Variants in VPS13B observed in about 807,000 individuals in gnomAD.
VPS13B encodes vacuolar protein sorting 13 homolog B.
In VPS13B, 285 loss-of-function variants were observed where a neutral mutation model predicts 426.4. The observed-to-expected ratio is 0.67, with a 90% CI of 0.61 to 0.74. The LOEUF (loss-of-function observed/expected upper bound fraction) is 0.74. Among genes scored for constraint, VPS13B ranks in the 30% least tolerant of loss-of-function variants. VPS13B has a pLI of 0.00. For missense variants in VPS13B, 4,537 were observed against 4,782.6 expected, an observed-to-expected ratio of 0.95 and a Z score of 1.51; for synonymous variants, 1,676 against 1,676.4, an observed-to-expected ratio of 1.00 and a Z score of 0.01.
chr8:99,722,786 C>T (rs1039853839), intron 39 of VPS13B, among the ~76,000 whole-genome samples: 6 of 152,110 alleles, frequency 3.9e-5, no homozygotes, highest in African/African-American at 1.2e-4. Context: ...GGATTACAGG[C>T]GTGAGCCACC....
chr8:99,280,091 G>A (rs1013866896), intron 19 of VPS13B, among the ~76,000 whole-genome samples: 1 of 152,080 alleles, frequency 6.6e-6, no homozygotes, highest in African/African-American at 2.4e-5. Context: ...TTCTGAGCCA[G>A]TGTTAAGAGT....
intron 20 of VPS13B, among the ~76,000 whole-genome samples, chr8:99,388,783 A>G (rs1041305249): frequency 2.6e-5 from 4 of 152,330 alleles, no homozygotes; most frequent in East Asian, 1.9e-4. Flanking sequence ...TACAAGGCAT[A>G]CAAGAGCCTT....
chr8:99,130,991 G>A (rs957156385), intron 8 of VPS13B, among the ~76,000 whole-genome samples: 6 of 152,156 alleles, frequency 3.9e-5, no homozygotes, highest in Non-Finnish European at 7.4e-5. Flanking sequence ...TTAGGCCTAA[G>A]TTAAATATTG....
chr8:99,071,866 G>T (rs74457098), intron 3 of VPS13B, among the ~76,000 whole-genome samples: 12,630 of 152,186 alleles, frequency 0.083, 886 homozygotes, highest in African/African-American at 0.19. Flanking sequence ...CCCCAGGTCT[G>T]CAGTGAATAC....
At chr8:99,340,775 G>C (rs934034706) in intron 19 of VPS13B, 2 of 346,588 alleles carry the variant, frequency 5.8e-6, no homozygotes, top group African/African-American at 2.2e-5. Context: ...GGTGACGCCT[G>C]CTCTCAGCCA....
intron 30 of VPS13B, among the ~76,000 whole-genome samples, chr8:99,532,788 C>T (rs998657392): frequency 1.5e-4 from 22 of 149,566 alleles, no homozygotes; most frequent in East Asian, 2.0e-4. Flanking sequence ...TTTATGCTAA[C>T]GGCTCAATTT....
intron 19 of VPS13B, among the ~76,000 whole-genome samples, chr8:99,329,026 T>A (rs1810425038): frequency 6.6e-6 from 1 of 152,154 alleles, no homozygotes; most frequent in Non-Finnish European, 1.5e-5. Flanking sequence ...ATTTTTTCAG[T>A]TGAGTGCTTC....
intron 43 of VPS13B, among the ~76,000 whole-genome samples, chr8:99,794,015 T>C (rs984552944): frequency 1.3e-5 from 2 of 152,162 alleles, no homozygotes; most frequent in East Asian, 3.9e-4. Flanking sequence ...TCCCAAAACT[T>C]TGGGAGGCTA....
At chr8:99,361,299 A>T (rs904253024) in intron 19 of VPS13B, among the ~76,000 whole-genome samples, 1 of 152,166 alleles carries the variant, frequency 6.6e-6, no homozygotes, top group Non-Finnish European at 1.5e-5. Context: ...AAGAAACCAT[A>T]CCTTGTCAAA....
At chr8:99,522,289 A>G (rs908637556) in intron 30 of VPS13B, among the ~76,000 whole-genome samples, 10 of 152,220 alleles carry the variant, frequency 6.6e-5, no homozygotes, top group African/African-American at 2.2e-4. Context: ...AAGTGGTCCT[A>G]AAATAGAGAC....
intron 4 of VPS13B, among the ~76,000 whole-genome samples, chr8:99,097,059 G>A (rs961444048): frequency 2.6e-5 from 4 of 152,140 alleles, no homozygotes; most frequent in African/African-American, 9.7e-5. Context: ...ATATTCCTCT[G>A]ATCAAATTTC....
intron 14 of VPS13B, among the ~76,000 whole-genome samples, chr8:99,152,844 T>A (rs534028621): frequency 6.6e-6 from 1 of 152,220 alleles, no homozygotes; most frequent in Non-Finnish European, 1.5e-5. Flanking sequence ...AGGTATGTAT[T>A]TCTCTATTTT....
rs541098776 is a variant in VPS13B at position 99,688,153 on chromosome 8, T to A, written c.6047-11372T>A. Among the ~76,000 whole-genome samples, 113 of 147,164 alleles carry A rather than the reference T, an allele frequency of 7.7e-4. 1 individual carries two copies. The highest frequency in any genetic ancestry group is 2.6e-3 in the African/African-American group (100 of 38,780). On this transcript the variant is annotated intron_variant, in intron 35 of 61. Coordinates refer to ENST00000357162, the MANE Select transcript of VPS13B (RefSeq NM_152564.5). ...GCTTGCTTTTTTTTTTTTTTTTTTT[T>A]ATCTGAGGAGCTTGTTCTTTTGTTT... is the stretch of plus-strand genomic sequence containing the variant.
intron 19 of VPS13B, among the ~76,000 whole-genome samples, chr8:99,335,409 T>C (rs1033874221): frequency 5.3e-5 from 8 of 152,190 alleles, no homozygotes; most frequent in Non-Finnish European, 8.8e-5. Flanking sequence ...CTTTTGAATG[T>C]GTTTGCTTTT....
intron 22 of VPS13B, among the ~76,000 whole-genome samples, chr8:99,438,348 T>C (rs576202879): frequency 4.5e-4 from 69 of 152,276 alleles, no homozygotes; most frequent in Admixed American, 1.1e-3. Context: ...GTAAACTCCT[T>C]GGCCTTTATT....
chr8:99,022,145 C>T (rs547494225), intron 2 of VPS13B, among the ~76,000 whole-genome samples: 1 of 150,564 alleles, frequency 6.6e-6, no homozygotes, highest in East Asian at 1.9e-4. Context: ...TTTATAATTT[C>T]TTTCACTTTT....
intron 6 of VPS13B, among the ~76,000 whole-genome samples, chr8:99,113,112 T>A (rs1847459734): frequency 1.3e-5 from 2 of 151,386 alleles, no homozygotes; most frequent in Non-Finnish European, 2.9e-5. Context: ...TTTCTCCTTT[T>A]TTCTTTACCT....
rs145920703 is a variant in VPS13B, at chr8:99,289,635, G to A, written c.2824+14381G>A. Among the ~76,000 whole-genome samples, 21 of 152,170 alleles carry A rather than the reference G, an allele frequency of 1.4e-4. 1 individual carries two copies. Among genetic ancestry groups the A allele is most frequent in the African/African-American group, 4.8e-4 (20 of 41,526 alleles). On this transcript the variant is annotated intron_variant, in intron 19 of 61. Coordinates refer to ENST00000357162, the MANE Select transcript of VPS13B (RefSeq NM_152564.5). ...ATGAGCTGTAGTTGACGAAAAGCAA[G>A]CAGAGCTTAGTGAATAATCTTTTCA...
chr8:99,666,281 A>C (rs899340880), intron 35 of VPS13B, among the ~76,000 whole-genome samples: 2 of 152,194 alleles, frequency 1.3e-5, no homozygotes, highest in Non-Finnish European at 2.9e-5. Flanking sequence ...CAGTAGAAAA[A>C]CAGGGAATCC....
Sources: allele counts gnomAD v4.1 joint callset (sites outside exome capture counted in the v4.1 genomes callset), GRCh38; gene constraint gnomAD v4.1.1; transcripts MANE v1.5; gene names NCBI Gene and HGNC (gene_info 2026-07-23, HGNC 2026-07-21).